Variants in LRRC4C observed in about 807,000 individuals in gnomAD.
LRRC4C encodes leucine-rich repeat-containing protein 4C.
A neutral mutation model predicts 33.6 loss-of-function variants in LRRC4C; 5 were observed. That is an observed-to-expected ratio of 0.15 (90% CI 0.08 to 0.31). The LOEUF is 0.31. Ranked by LOEUF, LRRC4C falls within the 10% of genes least tolerant of loss-of-function variation. The pLI is 1.00. For missense variants in LRRC4C, 560 were observed against 796.7 expected, an observed-to-expected ratio of 0.70 and a Z score of 3.58; for synonymous variants, 329 against 302.0, an observed-to-expected ratio of 1.09 and a Z score of -0.93.
At chr11:41,353,557 G>T (rs996164801) in intron 1 of LRRC4C, among the ~76,000 whole-genome samples, 7 of 151,916 alleles carry the variant, frequency 4.6e-5, no homozygotes, top group African/African-American at 1.4e-4. Flanking sequence ...AAACCTGGAA[G>T]TGATAGAATT....
intron 1 of LRRC4C, among the ~76,000 whole-genome samples, chr11:41,074,934 AG>A (rs1938992448): frequency 6.6e-6 from 1 of 151,860 alleles, no homozygotes; most frequent in Non-Finnish European, 1.5e-5. Flanking sequence ...TGAAAATCCA[AG>A]TCTCGTCTTA....
intron 1 of LRRC4C, among the ~76,000 whole-genome samples, chr11:41,194,283 G>A (rs557803930): frequency 7.4e-4 from 112 of 152,102 alleles, no homozygotes; most frequent in African/African-American, 2.5e-3. Flanking sequence ...AGTTAAACAT[G>A]GATTTTCAAC....
intron 6 of LRRC4C, among the ~76,000 whole-genome samples, chr11:40,133,788 G>T (rs1856802611): frequency 6.6e-6 from 1 of 152,186 alleles, no homozygotes; most frequent in Admixed American, 6.5e-5. Context: ...GTGGACAGTG[G>T]ATCTAGGGGA....
At chr11:40,657,256 C>CTA (rs750536062) in intron 2 of LRRC4C, among the ~76,000 whole-genome samples, 1 of 152,086 alleles carries the variant, frequency 6.6e-6, no homozygotes, top group Non-Finnish European at 1.5e-5. Flanking sequence ...TCCAGATGTA[C>CTA]TATAGGTCTT....
At chr11:40,619,189 T>C (rs1276886219) in intron 3 of LRRC4C, among the ~76,000 whole-genome samples, 1 of 151,702 alleles carries the variant, frequency 6.6e-6, no homozygotes, top group Non-Finnish European at 1.5e-5. Flanking sequence ...AACAAAAATA[T>C]AAAGAATGAA....
intron 1 of LRRC4C, among the ~76,000 whole-genome samples, chr11:41,380,725 T>C (rs1565627792): frequency 6.6e-6 from 1 of 152,090 alleles, no homozygotes; most frequent in African/African-American, 2.4e-5. Flanking sequence ...CCAAATCCAT[T>C]TAACTTGAGC....
chr11:40,625,913 C>A (rs987389099), intron 3 of LRRC4C, among the ~76,000 whole-genome samples: 1 of 152,134 alleles, frequency 6.6e-6, no homozygotes, highest in South Asian at 2.1e-4. Context: ...TCCTCTTCCT[C>A]TCACCAAGTC....
chr11:40,438,309 TA>T (rs958934981), intron 3 of LRRC4C, among the ~76,000 whole-genome samples: 9 of 152,294 alleles, frequency 5.9e-5, no homozygotes, highest in Middle Eastern at 6.8e-3. Context: ...TGACTGTCCT[TA>T]AAAAATAAAA....
intron 3 of LRRC4C, among the ~76,000 whole-genome samples, chr11:40,483,071 C>A (rs9988818): frequency 2.0e-5 from 3 of 152,268 alleles, no homozygotes; most frequent in Admixed American, 2.0e-4. Flanking sequence ...TACACAGCCA[C>A]AACATATACA....
At chr11:41,147,347 G>A (rs564747090) in intron 1 of LRRC4C, among the ~76,000 whole-genome samples, 19 of 152,136 alleles carry the variant, frequency 1.2e-4, no homozygotes, top group South Asian at 2.1e-4. Context: ...TTATCACCTC[G>A]GTGAGGAAGT....
chr11:40,858,757 G>A (rs1953932143), intron 2 of LRRC4C, among the ~76,000 whole-genome samples: 2 of 148,142 alleles, frequency 1.4e-5, no homozygotes, highest in African/African-American at 5.0e-5. Context: ...TTGGGACTAA[G>A]CTTATATTCT....
At chr11:40,267,752 T>C (rs1670589455) in intron 4 of LRRC4C, among the ~76,000 whole-genome samples, 1 of 152,192 alleles carries the variant, frequency 6.6e-6, no homozygotes, top group Admixed American at 6.5e-5. Flanking sequence ...CAAGTCTGAA[T>C]TTTCAAATAC....
intron 4 of LRRC4C, among the ~76,000 whole-genome samples, chr11:40,313,562 GAA>G (rs1367156243): frequency 7.1e-6 from 1 of 141,532 alleles, no homozygotes; most frequent in African/African-American, 2.6e-5. Flanking sequence ...CCAAAACTAT[GAA>G]ACAATTAAAA....
chr11:40,190,601 G>A (rs10734479), intron 5 of LRRC4C, among the ~76,000 whole-genome samples: 8 of 152,084 alleles, frequency 5.3e-5, no homozygotes, highest in Non-Finnish European at 1.0e-4. Context: ...AAAAGTCACC[G>A]TCTTGCTTAG....
intron 3 of LRRC4C, among the ~76,000 whole-genome samples, chr11:40,643,232 G>A (rs1242324939): frequency 1.3e-5 from 2 of 152,236 alleles, no homozygotes; most frequent in African/African-American, 2.4e-5. Flanking sequence ...CAAAGGACAA[G>A]GATAGAGCAA....
chr11:41,346,641 A>G (rs1218179668), intron 1 of LRRC4C, among the ~76,000 whole-genome samples: 1 of 152,246 alleles, frequency 6.6e-6, no homozygotes, highest in African/African-American at 2.4e-5. Flanking sequence ...CTGTAGTCAA[A>G]AAGTCTGCAA....
intron 1 of LRRC4C, among the ~76,000 whole-genome samples, chr11:41,246,199 C>G (rs1007172078): frequency 6.6e-6 from 1 of 152,128 alleles, no homozygotes; most frequent in African/African-American, 2.4e-5. Flanking sequence ...CCTTGCCAAG[C>G]CGCCCTTATC....
rs1333349273 is a variant in LRRC4C at position 40,219,980 on chromosome 11, C to A, written c.-96+21539G>T. Among the ~76,000 whole-genome samples, 3 of 152,156 alleles carry A rather than the reference C, an allele frequency of 2.0e-5. No homozygotes were observed. The East Asian group carries it at 5.8e-4, about 29-fold the overall frequency. On this transcript the variant is annotated intron_variant, in intron 5 of 6. Transcript: ENST00000528697. ...TAGTAACATTTTTACAACCTGTATG[C>A]ATCCCATAACATCATGTATAACCTA...
chr11:40,841,001 T>A (rs1346916209), intron 2 of LRRC4C, among the ~76,000 whole-genome samples: 2 of 152,178 alleles, frequency 1.3e-5, no homozygotes, highest in Non-Finnish European at 2.9e-5. Context: ...ACATTTTTTG[T>A]TCACTTACAC....
Sources: gnomAD v4.1 joint callset for allele counts (sites outside exome capture counted in the v4.1 genomes callset) on GRCh38, gnomAD v4.1.1 for gene constraint, MANE v1.5 for transcripts, NCBI Gene and HGNC (gene_info 2026-07-23, HGNC 2026-07-21) for gene names.